Variants in EIF4G3 observed in about 807,000 individuals in gnomAD.
EIF4G3 encodes eukaryotic translation initiation factor 4 gamma 3.
In EIF4G3, 34 loss-of-function variants were observed where a neutral mutation model predicts 186.4. That is an observed-to-expected ratio of 0.18 (90% CI 0.14 to 0.24). The LOEUF (loss-of-function observed/expected upper bound fraction) is 0.24. Among genes scored for constraint, EIF4G3 ranks in the 10% least tolerant of loss-of-function variants. EIF4G3 has a pLI of 1.00. For missense variants in EIF4G3, 1,536 were observed against 1,948.5 expected (o/e 0.79, Z 3.99); for synonymous variants, 673 against 679.5 (o/e 0.99, Z 0.15).
intron 2 of EIF4G3, among the ~76,000 whole-genome samples, chr1:21,172,526 T>C (rs979720884): frequency 1.3e-5 from 2 of 152,288 alleles, no homozygotes; most frequent in East Asian, 3.9e-4. Flanking sequence ...TCAATATAAA[T>C]GGCAAAATGT....
intron 18 of EIF4G3, among the ~76,000 whole-genome samples, chr1:20,888,825 T>C (rs2085047400): frequency 6.6e-6 from 1 of 152,120 alleles, no homozygotes; most frequent in Admixed American, 6.5e-5. Context: ...TGTGTGAAAA[T>C]CTTAATACAG....
At chr1:20,908,230 T>G (rs967591621) in intron 14 of EIF4G3, among the ~76,000 whole-genome samples, 6 of 152,204 alleles carry the variant, frequency 3.9e-5, no homozygotes, top group African/African-American at 1.4e-4. Flanking sequence ...TGCCCACTTT[T>G]TGATGGGGTT....
intron 2 of EIF4G3, among the ~76,000 whole-genome samples, chr1:21,142,267 C>T (rs1020385724): frequency 2.0e-5 from 3 of 151,158 alleles, no homozygotes; most frequent in Admixed American, 6.6e-5. Context: ...TGGGAGGTTG[C>T]GGTGGGTGGA....
chr1:21,007,526 A>AAACAAACAAAC (rs1365740265), intron 4 of EIF4G3, among the ~76,000 whole-genome samples: 2 of 131,008 alleles, frequency 1.5e-5, no homozygotes, highest in African/African-American at 6.7e-5. Flanking sequence ...AAAAAAAAAA[A>AAACAAACAAAC]AAAAAAAAAA....
At chr1:20,950,834 C>A (rs1352497467) in intron 12 of EIF4G3, among the ~76,000 whole-genome samples, 1 of 152,112 alleles carries the variant, frequency 6.6e-6, no homozygotes, top group Non-Finnish European at 1.5e-5. Flanking sequence ...AGAAAAATCA[C>A]AGCTATTGCT....
intron 14 of EIF4G3, among the ~76,000 whole-genome samples, chr1:20,924,611 G>A (rs1373579102): frequency 6.6e-6 from 1 of 152,158 alleles, no homozygotes; most frequent in Non-Finnish European, 1.5e-5. Context: ...GCCCAGGCTG[G>A]AGTGCATGCA....
chr1:21,142,048 A>C (rs1442848841), intron 2 of EIF4G3, among the ~76,000 whole-genome samples: 1 of 152,174 alleles, frequency 6.6e-6, no homozygotes, highest in Non-Finnish European at 1.5e-5. Flanking sequence ...CTATAATCTC[A>C]GTCATTTCCA....
intron 2 of EIF4G3, among the ~76,000 whole-genome samples, chr1:21,117,072 T>G (rs576698052): frequency 1.3e-5 from 2 of 152,098 alleles, no homozygotes; most frequent in Non-Finnish European, 2.9e-5. Context: ...TATTAAATAA[T>G]AACTTTTTTA....
intron 7 of EIF4G3, among the ~76,000 whole-genome samples, chr1:20,983,067 G>A (rs1317618661): frequency 6.6e-6 from 1 of 152,070 alleles, no homozygotes; most frequent in Non-Finnish European, 1.5e-5. Flanking sequence ...GTCTTATTTT[G>A]TCCTACTCTT....
intron 2 of EIF4G3, among the ~76,000 whole-genome samples, chr1:21,106,921 A>G (rs941880783): frequency 4.6e-5 from 7 of 152,192 alleles, no homozygotes; most frequent in African/African-American, 1.7e-4. Flanking sequence ...TTGACACATC[A>G]GGACAAGGGC....
chr1:20,991,549 C>G (rs1270320302), intron 7 of EIF4G3, among the ~76,000 whole-genome samples: 1 of 149,082 alleles, frequency 6.7e-6, no homozygotes, highest in Non-Finnish European at 1.5e-5. Flanking sequence ...GCCTAGGTGA[C>G]AGAGTGAGAC....
At chr1:21,158,783 T>C (rs1283520345) in intron 2 of EIF4G3, among the ~76,000 whole-genome samples, 1 of 152,084 alleles carries the variant, frequency 6.6e-6, no homozygotes, top group Non-Finnish European at 1.5e-5. Context: ...TGTTCATCCA[T>C]GGGTTCCACA....
chr1:21,089,390 A>G (rs2096105798), intron 2 of EIF4G3, among the ~76,000 whole-genome samples, 177 bp from the exon 3 acceptor site: 1 of 152,228 alleles, frequency 6.6e-6, no homozygotes, highest in Non-Finnish European at 1.5e-5. Flanking sequence ...GACTAAATCA[A>G]TCTCTTCAAA....
intron 32 of EIF4G3, among the ~76,000 whole-genome samples, chr1:20,826,113 A>C (rs985553877): frequency 2.6e-5 from 4 of 152,212 alleles, no homozygotes; most frequent in Admixed American, 2.0e-4. Context: ...TTTATTTGGA[A>C]GTAGGGTTGT....
intron 14 of EIF4G3, among the ~76,000 whole-genome samples, chr1:20,919,129 G>C (rs544895455): frequency 2.6e-5 from 4 of 151,680 alleles, no homozygotes; most frequent in Non-Finnish European, 5.9e-5. Flanking sequence ...CTTTTTAACC[G>C]ACAGGTATTT....
At chr1:20,925,300 G>A (rs2094808190) in intron 14 of EIF4G3, among the ~76,000 whole-genome samples, 1 of 151,880 alleles carries the variant, frequency 6.6e-6, no homozygotes, top group Non-Finnish European at 1.5e-5. Context: ...CATGTCAAAG[G>A]GAGGTTTTCC....
At chr1:20,978,655 C>A (rs1168775523) in intron 10 of EIF4G3, among the ~76,000 whole-genome samples, 2 of 142,084 alleles carry the variant, frequency 1.4e-5, no homozygotes, top group Non-Finnish European at 3.0e-5. Context: ...CAATTAGTCA[C>A]TTAGTAGCCC....
At chr1:20,894,181 T>A (rs6704421) in intron 17 of EIF4G3, among the ~76,000 whole-genome samples, 4 of 151,878 alleles carry the variant, frequency 2.6e-5, no homozygotes, top group Non-Finnish European at 5.9e-5. Flanking sequence ...GATATCTGAC[T>A]TTGAATAAGC....
chr1:21,156,676 C>G (rs1310867512), intron 2 of EIF4G3, among the ~76,000 whole-genome samples: 3 of 152,206 alleles, frequency 2.0e-5, no homozygotes, highest in Non-Finnish European at 4.4e-5. Flanking sequence ...CAAAGATAGT[C>G]AAATCCCTAT....
Sources: gnomAD v4.1 joint callset for allele counts (sites outside exome capture counted in the v4.1 genomes callset) on GRCh38, gnomAD v4.1.1 for gene constraint, MANE v1.5 for transcripts, NCBI Gene and HGNC (gene_info 2026-07-23, HGNC 2026-07-21) for gene names.